Variants in NXPH2 observed in about 807,000 individuals in gnomAD.
NXPH2 encodes the protein neurexophilin 2, also known as neurexophilin-2.
NXPH2 carries 5 observed loss-of-function variants against 19.8 expected under a neutral mutation model. The ratio of observed to expected loss-of-function variants is 0.25; its 90% CI spans 0.13 to 0.53. NXPH2 has a LOEUF of 0.53. Ranked by LOEUF, NXPH2 falls within the 20% of genes least tolerant of loss-of-function variation. The probability of loss-of-function intolerance (pLI) is 0.96; values close to 1 mark genes in which losing one functional copy is unlikely to be tolerated. For missense variants in NXPH2, 289 were observed against 322.8 expected (o/e 0.90, Z 0.80); for synonymous variants, 154 against 127.4 (o/e 1.21, Z -1.41).
At chr2:138,726,771 T>G (rs980616992) in intron 1 of NXPH2, among the ~76,000 whole-genome samples, 1 of 152,186 alleles carries the variant, frequency 6.6e-6, no homozygotes. Context: ...TGACCCTACA[T>G]TGACACATCA....
At chr2:138,777,831 TAA>T (rs11299940) in intron 1 of NXPH2, among the ~76,000 whole-genome samples, 7,007 of 93,046 alleles carry the variant, frequency 0.075, 197 homozygotes, top group Middle Eastern at 0.15. Context: ...ACCAAAAAAT[TAA>T]AAAAAAAAAA....
At chr2:138,693,306 C>T (rs1239210175) in intron 1 of NXPH2, among the ~76,000 whole-genome samples, 2 of 152,188 alleles carry the variant, frequency 1.3e-5, no homozygotes, top group African/African-American at 2.4e-5. Context: ...GTCCCTCCAT[C>T]ACCTGCCTTT....
intron 1 of NXPH2, among the ~76,000 whole-genome samples, chr2:138,674,952 A>G (rs533530519): frequency 2.6e-5 from 4 of 152,164 alleles, no homozygotes; most frequent in East Asian, 3.9e-4. Context: ...TTACTTCCCA[A>G]TCTCTATTCC....
At chr2:138,747,480 T>A (rs567435831) in intron 1 of NXPH2, among the ~76,000 whole-genome samples, 1 of 152,140 alleles carries the variant, frequency 6.6e-6, no homozygotes, top group Non-Finnish European at 1.5e-5. Context: ...TGTGGTACAC[T>A]TGGCCCCTGA....
chr2:138,690,886 C>G (rs1259661785), intron 1 of NXPH2, among the ~76,000 whole-genome samples: 2 of 152,168 alleles, frequency 1.3e-5, no homozygotes, highest in African/African-American at 4.8e-5. Flanking sequence ...AGAAGAAACC[C>G]AACACGAGAT....
At chr2:138,681,981 C>T (rs1680586364) in intron 1 of NXPH2, among the ~76,000 whole-genome samples, 2 of 151,884 alleles carry the variant, frequency 1.3e-5, no homozygotes, top group Non-Finnish European at 2.9e-5. Context: ...CTTACAGATC[C>T]CTTTACAGTT....
intron 1 of NXPH2, among the ~76,000 whole-genome samples, chr2:138,767,835 T>C (rs1199501161): frequency 6.6e-6 from 1 of 152,186 alleles, no homozygotes; most frequent in East Asian, 1.9e-4. Context: ...GTCCTCTTTT[T>C]CTGGAGCTCT....
At chr2:138,777,061 C>G (rs1484100835) in intron 1 of NXPH2, among the ~76,000 whole-genome samples, 1 of 151,786 alleles carries the variant, frequency 6.6e-6, no homozygotes, top group Admixed American at 6.6e-5. Flanking sequence ...TAAACGTTAG[C>G]TAATCATTCA....
intron 1 of NXPH2, among the ~76,000 whole-genome samples, chr2:138,735,174 A>T (rs1000133110): frequency 6.6e-6 from 1 of 152,174 alleles, no homozygotes; most frequent in African/African-American, 2.4e-5. Flanking sequence ...AGCCTCCTAT[A>T]ATTCCATGAA....
chr2:138,718,456 G>A (rs1573965351), intron 1 of NXPH2, among the ~76,000 whole-genome samples: 1 of 152,214 alleles, frequency 6.6e-6, no homozygotes, highest in East Asian at 1.9e-4. Flanking sequence ...ATTCCATGTT[G>A]AAACTACAAT....
At chr2:138,676,064 C>T (rs1680480632) in intron 1 of NXPH2, among the ~76,000 whole-genome samples, 1 of 151,968 alleles carries the variant, frequency 6.6e-6, no homozygotes, top group Admixed American at 6.6e-5. Context: ...TTGACAACAA[C>T]ATTAGCCAAG....
intron 1 of NXPH2, among the ~76,000 whole-genome samples, chr2:138,699,570 G>C (rs1167601930): frequency 6.6e-6 from 1 of 152,116 alleles, no homozygotes; most frequent in Non-Finnish European, 1.5e-5. Flanking sequence ...GGGCAGCGGT[G>C]AGACTCGATG....
chr2:138,747,625 G>C (rs952399811), intron 1 of NXPH2, among the ~76,000 whole-genome samples: 2 of 152,126 alleles, frequency 1.3e-5, no homozygotes, highest in Non-Finnish European at 2.9e-5. Flanking sequence ...TCAAAAAGGG[G>C]GCCATAAGTC....
At chr2:138,741,849 C>A (rs1484254635) in intron 1 of NXPH2, among the ~76,000 whole-genome samples, 3 of 152,124 alleles carry the variant, frequency 2.0e-5, no homozygotes, top group African/African-American at 7.2e-5. Flanking sequence ...AGTAGAGGAT[C>A]CCCAAAGCAG....
rs72988916 is a variant in NXPH2 at position 138,702,463 on chromosome 2, T to C, written c.52-30798A>G. 3.5e-3 allele frequency among the ~76,000 whole-genome samples: 537 copies of C among 152,272 alleles called. 3 individuals are homozygous for C. The highest frequency in any genetic ancestry group is 8.8e-3 in the African/African-American group (364 of 41,560). ...TGTATTCCATACTTAGGTCCTGACT[T>C]GAATAAAACTATAAAATCGTCCAAT... is the stretch of plus-strand genomic sequence containing the variant. On this transcript the variant is annotated intron_variant, in intron 1 of 1. Transcript: ENST00000272641.
At chr2:138,706,649 C>T (rs575216606) in intron 1 of NXPH2, among the ~76,000 whole-genome samples, 2 of 152,232 alleles carry the variant, frequency 1.3e-5, no homozygotes, top group African/African-American at 2.4e-5. Flanking sequence ...TCGTGGTTCA[C>T]GCCTGTAATC....
intron 1 of NXPH2, among the ~76,000 whole-genome samples, chr2:138,703,188 T>C (rs1244236107): frequency 6.6e-6 from 1 of 152,196 alleles, no homozygotes; most frequent in Non-Finnish European, 1.5e-5. Flanking sequence ...GCTTCGAGTG[T>C]TGATGCAGGG....
intron 1 of NXPH2, among the ~76,000 whole-genome samples, chr2:138,711,941 T>C (rs1166780795): frequency 1.3e-5 from 2 of 152,246 alleles, no homozygotes; most frequent in Admixed American, 6.5e-5. Flanking sequence ...TAGTTTCATC[T>C]AAAGAGCAAC....
At chr2:138,682,122 G>T (rs1330212055) in intron 1 of NXPH2, among the ~76,000 whole-genome samples, 1 of 152,078 alleles carries the variant, frequency 6.6e-6, no homozygotes, top group African/African-American at 2.4e-5. Context: ...ATGACAAGTT[G>T]CTCAGCAGAA....
Sources: allele counts gnomAD v4.1 joint callset (sites outside exome capture counted in the v4.1 genomes callset), GRCh38; gene constraint gnomAD v4.1.1; transcripts MANE v1.5; gene names NCBI Gene and HGNC (gene_info 2026-07-23, HGNC 2026-07-21).